ASPRV1: variants seen among roughly 807,000 people sequenced by gnomAD.
ASPRV1 encodes aspartic peptidase retroviral like 1.
Under a neutral mutation model 11.0 loss-of-function variants are expected in ASPRV1, and 7 were observed. The ratio of observed to expected loss-of-function variants is 0.64; its 90% confidence interval spans 0.36 to 1.20. The LOEUF is 1.20. Ranked by LOEUF, ASPRV1 falls within the 50% of genes most tolerant of loss-of-function variation. ASPRV1 has a pLI of 0.02. For missense variants in ASPRV1, 299 were observed against 320.0 expected (o/e 0.93, Z 0.50); for synonymous variants, 136 against 138.4 (o/e 0.98, Z 0.12).
the ASPRV1 span, among the ~76,000 whole-genome samples, chr2:70,017,734 T>A: frequency 1.2e-4 from 18 of 151,998 alleles, no homozygotes; most frequent in East Asian, 1.2e-3. Context: ...AGTATTTTTT[T>A]AAAAAAAAGA....
the ASPRV1 span, among the ~76,000 whole-genome samples, chr2:69,973,341 G>GA: frequency 6.6e-6 from 1 of 151,750 alleles, no homozygotes; most frequent in Non-Finnish European, 1.5e-5. Context: ...CAACTAGCAA[G>GA]AAAAAAGTGA....
chr2:70,082,480 G>GCAGGCAGATCACCTGAGGT, the ASPRV1 span, among the ~76,000 whole-genome samples: 2 of 152,094 alleles, frequency 1.3e-5, no homozygotes, highest in African/African-American at 4.8e-5. Flanking sequence ...GGAGGCCGGG[G>GCAGGCAGATCACCTGAGGT]CAGGCAGATC....
chr2:70,011,158 C>G, the ASPRV1 span, among the ~76,000 whole-genome samples: 5 of 152,000 alleles, frequency 3.3e-5, no homozygotes, highest in African/African-American at 4.8e-5. Flanking sequence ...AAAAATAACT[C>G]TTGGGTACTA....
the ASPRV1 span, among the ~76,000 whole-genome samples, chr2:69,972,518 C>T: frequency 6.6e-6 from 1 of 152,126 alleles, no homozygotes; most frequent in East Asian, 1.9e-4. Context: ...CCACCATGCC[C>T]GGCTATTTTT....
chr2:69,985,622 G>A, the ASPRV1 span, among the ~76,000 whole-genome samples: 2 of 152,228 alleles, frequency 1.3e-5, no homozygotes, highest in Non-Finnish European at 2.9e-5. Context: ...TATAGAACTA[G>A]TAAGAAAGGG....
the ASPRV1 span, among the ~76,000 whole-genome samples, chr2:69,985,555 C>T: frequency 1.3e-5 from 2 of 152,194 alleles, no homozygotes; most frequent in African/African-American, 4.8e-5. Context: ...TCAGCAGTTC[C>T]ATCCATTGGC....
the ASPRV1 span, among the ~76,000 whole-genome samples, chr2:70,073,708 T>C: frequency 1.3e-5 from 2 of 152,098 alleles, no homozygotes; most frequent in African/African-American, 4.8e-5. Flanking sequence ...AAAGCATTGC[T>C]GGCTGTTGCT....
chr2:69,963,234 T>C (rs1438144057), upstream of ASPRV1: 1 of 455,238 alleles, frequency 2.2e-6, no homozygotes, highest in South Asian at 1.6e-5. Context: ...GGTGGGGCCA[T>C]TGTGGCATTC....
chr2:69,952,194 T>C, the ASPRV1 span, among the ~76,000 whole-genome samples: 1 of 152,160 alleles, frequency 6.6e-6, no homozygotes, highest in South Asian at 2.1e-4. Flanking sequence ...ATCTACTAAA[T>C]GGGTATAAAA....
chr2:70,076,337 A>G, the ASPRV1 span, among the ~76,000 whole-genome samples: 2 of 152,250 alleles, frequency 1.3e-5, no homozygotes, highest in Admixed American at 1.3e-4. Context: ...TGTGTGACTT[A>G]CACAAATTAC....
the ASPRV1 span, among the ~76,000 whole-genome samples, chr2:70,003,811 G>A: frequency 6.6e-6 from 1 of 152,222 alleles, no homozygotes; most frequent in African/African-American, 2.4e-5. Context: ...ATCAGGCCAT[G>A]GGGCAGAGTG....
chr2:70,033,167 ACTT>A, the ASPRV1 span, among the ~76,000 whole-genome samples: 29 of 151,822 alleles, frequency 1.9e-4, no homozygotes, highest in African/African-American at 6.5e-4. Context: ...TTCTTGCTGG[ACTT>A]CTTATCTCAC....
chr2:69,998,165 A>C, the ASPRV1 span: 1 of 151,922 alleles, frequency 6.6e-6, no homozygotes, highest in Non-Finnish European at 1.5e-5. Context: ...GTGTGGGGAC[A>C]CATTTATGAT....
the ASPRV1 span, among the ~76,000 whole-genome samples, chr2:70,011,190 A>C: frequency 6.6e-6 from 1 of 152,074 alleles, no homozygotes; most frequent in African/African-American, 2.4e-5. Context: ...TGAGTGATGA[A>C]ATAATCTGTA....
chr2:69,935,294 G>C, the ASPRV1 span: 1 of 1,232,350 alleles, frequency 8.1e-7, no homozygotes, highest in Non-Finnish European at 1.2e-6. Context: ...ATTCTGCCTG[G>C]GGTGCTTCTG....
At chr2:69,948,889 A>G in the ASPRV1 span, among the ~76,000 whole-genome samples, 1 of 141,982 alleles carries the variant, frequency 7.0e-6, no homozygotes, top group Non-Finnish European at 1.5e-5. Flanking sequence ...TCTACACCCC[A>G]CCCCTCTCCT....
At chr2:69,985,108 G>A in the ASPRV1 span, among the ~76,000 whole-genome samples, 4 of 152,074 alleles carry the variant, frequency 2.6e-5, no homozygotes, top group African/African-American at 7.2e-5. Flanking sequence ...TGCCCACCTC[G>A]GCCTCCCGAA....
At chr2:70,058,997 C>T in the ASPRV1 span, among the ~76,000 whole-genome samples, 1 of 150,776 alleles carries the variant, frequency 6.6e-6, no homozygotes, top group African/African-American at 2.4e-5. Flanking sequence ...CGCCATTCTC[C>T]TGGCCTCAGC....
chr2:69,994,985 G>A, the ASPRV1 span, among the ~76,000 whole-genome samples: 2 of 151,924 alleles, frequency 1.3e-5, no homozygotes, highest in East Asian at 3.9e-4. Flanking sequence ...CTGGGTGACA[G>A]AGCGAGACTC....
Sources: gnomAD v4.1 joint callset for allele counts (sites outside exome capture counted in the v4.1 genomes callset) on GRCh38, gnomAD v4.1.1 for gene constraint, MANE v1.5 for transcripts, NCBI Gene and HGNC (gene_info 2026-07-23, HGNC 2026-07-21) for gene names.